Variants in EIF2AK2 observed in about 807,000 individuals in gnomAD.
EIF2AK2 encodes the protein eukaryotic translation initiation factor 2 alpha kinase 2.
In EIF2AK2, 40 loss-of-function variants were observed where a neutral mutation model predicts 70.5. That is an observed-to-expected ratio of 0.57 (90% CI 0.44 to 0.74). The LOEUF (loss-of-function observed/expected upper bound fraction) is 0.74, where lower values mean the gene tolerates loss of function less well. EIF2AK2 is among the 30% of genes least tolerant of loss of function. The pLI, the probability that EIF2AK2 is intolerant of heterozygous loss-of-function variation, is 0.00. For synonymous variants in EIF2AK2, 198 were observed against 220.9 expected, an observed-to-expected ratio of 0.90 and a Z score of 0.92; for missense variants, 555 against 644.3, an observed-to-expected ratio of 0.86 and a Z score of 1.50.
chr2:37,101,072 G>C lies in EIF2AK2; in HGVS notation c.*6201C>G, dbSNP rs1673816684. 6.6e-6 allele frequency: 1 copy of C among 152,096 alleles called. No individual in the cohort carries two copies. The highest frequency in any genetic ancestry group is 1.5e-5 in the Non-Finnish European group (1 of 68,038). 9.4% of individuals were successfully genotyped at this position (152,096 alleles called of 1,614,324 possible). On this transcript the variant is annotated 3_prime_UTR_variant, in exon 17 of 17. Coordinates refer to ENST00000233057, the MANE Select transcript of EIF2AK2 (RefSeq NM_001135651.3). ...TCCAATTAGTTGCCAACTCCTCTTG[G>C]TTCTGTCCTCTTATTGTTCAGGCCC...
chr2:37,152,010 G>A (rs1370675859), intron 1 of EIF2AK2, among the ~76,000 whole-genome samples: 5 of 152,222 alleles, frequency 3.3e-5, no homozygotes, highest in African/African-American at 4.8e-5. Context: ...AGCTTGCAGT[G>A]AGCTGAGATC....
chr2:37,103,840 C>A lies in EIF2AK2; in HGVS notation c.*3433G>T, dbSNP rs1168924967. 6.6e-6 allele frequency: 1 copy of A among 152,044 alleles called. No homozygotes were observed. Among genetic ancestry groups the A allele is most frequent in the Non-Finnish European group, 1.5e-5 (1 of 67,992 alleles). 9.4% of individuals were successfully genotyped at this position (152,044 alleles called of 1,614,324 possible). On this transcript the variant is annotated 3_prime_UTR_variant, in exon 17 of 17. Coordinates refer to ENST00000233057, the MANE Select transcript of EIF2AK2 (RefSeq NM_001135651.3). ...CCTCTAAATGTTTGTGCATGCATTGCCTAAAAAAACATTTTTGGCTGGGTG... is the reference window on the plus strand; with the variant it reads ...CCTCTAAATGTTTGTGCATGCATTGACTAAAAAAACATTTTTGGCTGGGTG...
intron 11 of EIF2AK2, 152 bp downstream of exon 11, chr2:37,126,137 G>T: frequency 9.9e-7 from 1 of 1,009,062 alleles, no homozygotes; most frequent in Non-Finnish European, 1.4e-6. Context: ...TCATCTCGGA[G>T]TAAGCCAAAC....
chr2:37,142,858 T>C (rs1675382056), intron 4 of EIF2AK2, among the ~76,000 whole-genome samples: 1 of 152,178 alleles, frequency 6.6e-6, no homozygotes, highest in Non-Finnish European at 1.5e-5. Flanking sequence ...AATTTTTACA[T>C]TTTACATAGT....
intron 10 of EIF2AK2, among the ~76,000 whole-genome samples, chr2:37,126,967 G>GAAAAAAAAAAAA (rs57802509): frequency 1.5e-4 from 8 of 52,168 alleles, no homozygotes; most frequent in Non-Finnish European, 2.0e-4. Flanking sequence ...CAAAAAAACA[G>GAAAAAAAAAAAA]AAAAAAAAAA....
Position 37,124,073 on chromosome 2 carries a change from T to A in EIF2AK2, c.909-1409A>T, listed in dbSNP as rs537490322. Among the ~76,000 whole-genome samples the A allele has an allele frequency of 1.3e-4, 19 of 151,574 alleles. No individual in the cohort carries two copies. In the East Asian group the frequency reaches 3.5e-3, roughly 28 times the overall value. On this transcript the variant is annotated intron_variant, in intron 11 of 16. Transcript: ENST00000233057. ...ACCTCCACCCCTAGGGCTCAAGCGA[T>A]CCTCCTACCTCAGCCTCCCTAGTAG...
chr2:37,155,033 T>A (rs888148248), intron 1 of EIF2AK2, among the ~76,000 whole-genome samples: 1 of 152,070 alleles, frequency 6.6e-6, no homozygotes, highest in African/African-American at 2.4e-5. Flanking sequence ...TCTTTTCTAC[T>A]TGGACTCACT....
intron 4 of EIF2AK2, among the ~76,000 whole-genome samples, chr2:37,143,089 C>T (rs1448335029): frequency 1.3e-5 from 2 of 151,856 alleles, no homozygotes; most frequent in Non-Finnish European, 2.9e-5. Context: ...ATTAGCTGGC[C>T]GTGGTGGTGG....
chr2:37,108,604 C>CT (rs1170436284), intron 15 of EIF2AK2, among the ~76,000 whole-genome samples: 1 of 152,168 alleles, frequency 6.6e-6, no homozygotes, highest in Non-Finnish European at 1.5e-5. Context: ...GAATGTCACT[C>CT]TGTCACCCAG....
chr2:37,126,510 C>A (rs1573014438), intron 10 of EIF2AK2, 99 bp from the exon 11 acceptor site: 2 of 1,481,680 alleles, frequency 1.3e-6, no homozygotes, highest in East Asian at 4.8e-5. Context: ...GTGAAATGGA[C>A]AATAAAACAA....
intron 14 of EIF2AK2, among the ~76,000 whole-genome samples, chr2:37,110,825 C>A (rs1023160491): frequency 1.3e-5 from 2 of 152,114 alleles, no homozygotes; most frequent in Non-Finnish European, 2.9e-5. Context: ...ATATATGAGA[C>A]AAATATTTAA....
chr2:37,148,697 T>C (rs1675641500), intron 2 of EIF2AK2, 160 bp downstream of exon 2: 2 of 816,292 alleles, frequency 2.5e-6, no homozygotes, highest in Non-Finnish European at 4.4e-6. Flanking sequence ...TACAATTTGC[T>C]TTCATCACAT....
chr2:37,144,487 C>T (rs1196184714), intron 4 of EIF2AK2, among the ~76,000 whole-genome samples: 1 of 152,052 alleles, frequency 6.6e-6, no homozygotes, highest in Non-Finnish European at 1.5e-5. Flanking sequence ...GAACACTTTC[C>T]AGAGGGACAA....
In EIF2AK2 at chr2:37,147,767, G is replaced by A; in HGVS notation, c.40C>T (p.Leu14Phe). 1 of 1,613,466 alleles carries A rather than the reference G, an allele frequency of 6.2e-7. No individual in the cohort carries two copies. The highest frequency in any genetic ancestry group is 8.5e-7 in the Non-Finnish European group (1 of 1,179,684). Residue 14 changes from leucine (L) to phenylalanine (F), a missense_variant, in exon 3 of 17, where the codon CTT (leucine) becomes TTT (phenylalanine). This residue lies in a region of EIF2AK2 where 48 missense variants were observed against 77.1 expected (regional missense o/e 0.62). Coordinates refer to ENST00000233057, the MANE Select transcript of EIF2AK2 (RefSeq NM_001135651.3). ...CCCTGCTTCTGACGGTATGTATTAA[G>A]TTCCTCCATGAAGAAACCTGCTGAA... ...DLSAGFFMEE[L>F]NTYRQKQGVV...
chr2:37,150,495 G>T (rs1675704629), intron 1 of EIF2AK2, among the ~76,000 whole-genome samples: 2 of 152,006 alleles, frequency 1.3e-5, no homozygotes, highest in South Asian at 4.2e-4. Flanking sequence ...GAATTTTAAA[G>T]GTCATGGAAC....
intron 13 of EIF2AK2, among the ~76,000 whole-genome samples, chr2:37,119,194 C>A (rs1372831588): frequency 6.6e-6 from 1 of 152,092 alleles, no homozygotes; most frequent in Non-Finnish European, 1.5e-5. Context: ...ACTCCTTGTC[C>A]GGACCATAAA....
chr2:37,130,393 G>A (rs886973453), intron 10 of EIF2AK2, among the ~76,000 whole-genome samples: 9 of 152,032 alleles, frequency 5.9e-5, no homozygotes, highest in Non-Finnish European at 1.2e-4. Context: ...GTGAGGCACC[G>A]ACCTGGCCTG....
intron 11 of EIF2AK2, among the ~76,000 whole-genome samples, chr2:37,123,341 A>G (rs77378317): frequency 1.3e-5 from 2 of 151,614 alleles, no homozygotes; most frequent in African/African-American, 4.8e-5. Flanking sequence ...ATCTTGGCTC[A>G]TTGCAGCCTC....
chr2:37,139,707 C>G lies in EIF2AK2; in HGVS notation c.440G>C (p.Gly147Ala). 6.2e-7 allele frequency: 1 copy of G among 1,613,836 alleles called. No homozygotes were observed. Among genetic ancestry groups the G allele is most frequent in the Non-Finnish European group, 8.5e-7 (1 of 1,179,872 alleles). ...MGQKEYSIGT[G>A]STKQEAKQLA... ...TTGTTTTGCTTCCTGTTTAGTAGAA[C>G]CTGTACCAATACTATATTCTTTCTG... Residue 147 changes from glycine (G) to alanine (A), a missense_variant, in exon 6 of 17, where the codon GGT becomes GCT. Coordinates refer to ENST00000233057, the MANE Select transcript of EIF2AK2 (RefSeq NM_001135651.3).
Sources: allele counts gnomAD v4.1 joint callset (sites outside exome capture counted in the v4.1 genomes callset), GRCh38; gene constraint gnomAD v4.1.1; regional missense constraint gnomAD v4.1.1; transcripts MANE v1.5; gene names NCBI Gene and HGNC (gene_info 2026-07-23, HGNC 2026-07-21).